The following CCSER1 variants were observed in gnomAD, a reference collection of about 807,000 sequenced individuals.
CCSER1 encodes the protein coiled-coil serine rich protein 1.
CCSER1 carries 41 observed loss-of-function variants against 82.0 expected under a neutral mutation model. That is an observed-to-expected ratio of 0.50 (90% confidence interval 0.39 to 0.65). The LOEUF (loss-of-function observed/expected upper bound fraction) is 0.65, where lower values mean the gene tolerates loss of function less well. Ranked by LOEUF, CCSER1 falls within the 30% of genes least tolerant of loss-of-function variation. The pLI, the probability that CCSER1 is intolerant of heterozygous loss-of-function variation, is 0.00. For synonymous variants in CCSER1, 414 were observed against 383.9 expected (o/e 1.08, Z -0.92); for missense variants, 1,119 against 1,064.2 (o/e 1.05, Z -0.72).
chr4:91,251,451 A>G (rs546167509), intron 10 of CCSER1, among the ~76,000 whole-genome samples: 1 of 152,148 alleles, frequency 6.6e-6, no homozygotes, highest in Non-Finnish European at 1.5e-5. Flanking sequence ...GGACACAAGT[A>G]TTCAGTCTAT....
chr4:90,329,353 T>C (rs552647139), intron 3 of CCSER1, among the ~76,000 whole-genome samples: 70 of 152,312 alleles, frequency 4.6e-4, no homozygotes, highest in Non-Finnish European at 8.8e-5. Flanking sequence ...GAAAAGGCTT[T>C]GTAAGATTTA....
intron 10 of CCSER1, among the ~76,000 whole-genome samples, chr4:91,184,272 C>G (rs545331225): frequency 6.6e-6 from 1 of 152,352 alleles, no homozygotes; most frequent in South Asian, 2.1e-4. Flanking sequence ...CCTGTGGCAA[C>G]ACTTTCCAAT....
intron 10 of CCSER1, among the ~76,000 whole-genome samples, chr4:91,496,685 A>T: frequency 6.3e-5 from 1 of 15,930 alleles, no homozygotes; most frequent in South Asian, 3.8e-3. Flanking sequence ...ATATTTGAAT[A>T]TATATATATT....
chr4:91,494,769 T>C (rs1758716794), intron 10 of CCSER1, among the ~76,000 whole-genome samples: 1 of 151,826 alleles, frequency 6.6e-6, no homozygotes, highest in South Asian at 2.1e-4. Flanking sequence ...AGAGAACATC[T>C]CTCAATCTAA....
chr4:90,888,936 G>A (rs935911866), intron 8 of CCSER1, among the ~76,000 whole-genome samples: 2 of 152,086 alleles, frequency 1.3e-5, no homozygotes, highest in Non-Finnish European at 2.9e-5. Context: ...TTTCATGGAT[G>A]AAATATCAGA....
At chr4:90,313,188 C>T in intron 3 of CCSER1, 141 bp downstream of exon 3, 1 of 719,896 alleles carries the variant, frequency 1.4e-6, no homozygotes, top group South Asian at 1.9e-5. Context: ...GTTGACATTA[C>T]AAGTCAGAGA....
chr4:91,215,482 T>C (rs1319331755), intron 10 of CCSER1, among the ~76,000 whole-genome samples: 1 of 152,130 alleles, frequency 6.6e-6, no homozygotes, highest in African/African-American at 2.4e-5. Flanking sequence ...AAGAGCAAGA[T>C]AGCCAGTCTG....
chr4:90,364,938 T>C (rs1404396616), intron 3 of CCSER1, among the ~76,000 whole-genome samples: 1 of 151,922 alleles, frequency 6.6e-6, no homozygotes, highest in Admixed American at 6.6e-5. Context: ...TACAGCAGTA[T>C]TTCATGGTGT....
At chr4:91,143,722 A>G (rs924216985) in intron 10 of CCSER1, among the ~76,000 whole-genome samples, 6 of 151,920 alleles carry the variant, frequency 3.9e-5, no homozygotes, top group Admixed American at 3.3e-4. Flanking sequence ...TTCTTCATCT[A>G]TTGAGATTAT....
intron 4 of CCSER1, among the ~76,000 whole-genome samples, chr4:90,409,658 A>G (rs1253853185): frequency 6.6e-6 from 1 of 152,342 alleles, no homozygotes; most frequent in African/African-American, 2.4e-5. Flanking sequence ...AACAACTGGT[A>G]CCAGCCACTG....
At chr4:90,902,928 G>A (rs1458417411) in intron 8 of CCSER1, among the ~76,000 whole-genome samples, 1 of 151,996 alleles carries the variant, frequency 6.6e-6, no homozygotes, top group South Asian at 2.1e-4. Flanking sequence ...GTCCTAAGCA[G>A]GCAGGGACAT....
intron 10 of CCSER1, among the ~76,000 whole-genome samples, chr4:91,171,948 T>C (rs760551088): frequency 6.7e-4 from 102 of 152,236 alleles, no homozygotes; most frequent in Middle Eastern, 3.4e-3. Flanking sequence ...GGTCCAACTT[T>C]AGCTATTTGG....
chr4:90,537,219 A>G (rs536666670), intron 5 of CCSER1, among the ~76,000 whole-genome samples: 1 of 152,114 alleles, frequency 6.6e-6, no homozygotes, highest in Non-Finnish European at 1.5e-5. Context: ...GCATTGTTTT[A>G]TTTTTCTTAC....
At chr4:90,863,528 AT>A (rs1765350535) in intron 8 of CCSER1, among the ~76,000 whole-genome samples, 1 of 151,284 alleles carries the variant, frequency 6.6e-6, no homozygotes, top group South Asian at 2.1e-4. Flanking sequence ...TTTATCCCTC[AT>A]TTTTCTTTGC....
chr4:90,545,520 T>G (rs1342329026), intron 5 of CCSER1, among the ~76,000 whole-genome samples: 2 of 152,114 alleles, frequency 1.3e-5, no homozygotes, highest in East Asian at 3.9e-4. Context: ...ACCCTAATAG[T>G]TGGAAAGGAG....
At chr4:91,496,678 T>TA (rs11419297) in intron 10 of CCSER1, among the ~76,000 whole-genome samples, 836 of 21,502 alleles carry the variant, frequency 0.039, 222 homozygotes, top group Non-Finnish European at 0.066. Context: ...ATTCAATATA[T>TA]TTGAATATAT....
intron 10 of CCSER1, among the ~76,000 whole-genome samples, chr4:91,496,865 A>AAT (rs1440422916): frequency 1.0e-4 from 14 of 135,190 alleles, no homozygotes; most frequent in African/African-American, 2.9e-4. Context: ...ATATATATTG[A>AAT]ATATATATAT....
chr4:91,519,947 T>C (rs1760363805), intron 10 of CCSER1, among the ~76,000 whole-genome samples: 1 of 152,198 alleles, frequency 6.6e-6, no homozygotes, highest in Non-Finnish European at 1.5e-5. Flanking sequence ...CCCCAATTTG[T>C]TTTTTTAGAA....
intron 5 of CCSER1, among the ~76,000 whole-genome samples, chr4:90,597,733 C>A (rs1222963245): frequency 9.2e-5 from 14 of 152,080 alleles, no homozygotes; most frequent in Admixed American, 8.5e-4. Context: ...CTATAGCCCT[C>A]ATGTTGTACA....
Sources: gnomAD v4.1 joint callset for allele counts (sites outside exome capture counted in the v4.1 genomes callset) on GRCh38, gnomAD v4.1.1 for gene constraint, MANE v1.5 for transcripts, NCBI Gene and HGNC (gene_info 2026-07-23, HGNC 2026-07-21) for gene names.